Variants in CGAS observed in about 807,000 individuals in gnomAD.
CGAS encodes the protein cyclic GMP-AMP synthase.
Under a neutral mutation model 34.0 loss-of-function variants are expected in CGAS, and 31 were observed. The observed-to-expected ratio is 0.91, with a 90% CI of 0.69 to 1.23. The LOEUF is 1.23. Ranked by LOEUF, CGAS falls within the 50% of genes most tolerant of loss-of-function variation. The pLI, the probability that CGAS is intolerant of heterozygous loss-of-function variation, is 0.00. For missense variants in CGAS, 597 were observed against 657.6 expected (o/e 0.91, Z 1.01); for synonymous variants, 266 against 260.0 (o/e 1.02, Z -0.22).
Position 73,452,092 on chromosome 6 carries a change from G to A in CGAS, c.90C>T (p.Ala30=). ...PKASARNARG[A]PMDPTESPAA... is the part of the protein sequence containing the mutation. ...CCGGAGACTCGGTGGGATCCATCGG[G>A]GCGCCCCTGGCATTCCGTGCGGAAG... The change falls in exon 1 of 5, where the codon GCC becomes GCT. Residue 30 remains alanine, a synonymous_variant. Coordinates refer to ENST00000370315, the MANE Select transcript of CGAS (RefSeq NM_138441.3). 1 of 1,583,914 alleles carries A rather than the reference G, an allele frequency of 6.3e-7. No individual in the cohort carries two copies. The highest frequency in any genetic ancestry group is 1.1e-5 in the South Asian group (1 of 87,606).
chr6:73,426,006 C>T (rs1162799761), intron 4 of CGAS, among the ~76,000 whole-genome samples: 2 of 144,984 alleles, frequency 1.4e-5, no homozygotes, highest in African/African-American at 2.6e-5. Flanking sequence ...ACAAAAAAGC[C>T]GGGCGCGGTG....
chr6:73,444,082 C>T (rs908617360), intron 2 of CGAS, among the ~76,000 whole-genome samples: 3 of 152,064 alleles, frequency 2.0e-5, no homozygotes, highest in African/African-American at 4.8e-5. Flanking sequence ...CTCCACCTCT[C>T]GGGTTCAAGC....
At chr6:73,425,926 A>G (rs1770078500) in intron 4 of CGAS, among the ~76,000 whole-genome samples, 1 of 152,178 alleles carries the variant, frequency 6.6e-6, no homozygotes, top group East Asian at 1.9e-4. Context: ...GTGAGCCAAG[A>G]TCGCGTCATT....
intron 3 of CGAS, among the ~76,000 whole-genome samples, chr6:73,438,554 C>T (rs1286360520): frequency 1.3e-5 from 2 of 151,692 alleles, no homozygotes; most frequent in Non-Finnish European, 1.5e-5. Context: ...AAATTAGCCT[C>T]GCGTGGTGGC....
chr6:73,448,095 T>C (rs1770497926), intron 1 of CGAS, among the ~76,000 whole-genome samples: 1 of 152,084 alleles, frequency 6.6e-6, no homozygotes, highest in Non-Finnish European at 1.5e-5. Context: ...TAATATACCA[T>C]TACTTAAAAC....
chr6:73,446,240 G>A (rs1263945836), intron 1 of CGAS, among the ~76,000 whole-genome samples: 1 of 151,050 alleles, frequency 6.6e-6, no homozygotes, highest in Non-Finnish European at 1.5e-5. Flanking sequence ...TGAAGCAGGA[G>A]AATTGCTTGA....
rs767625640 is a variant in CGAS, at chr6:73,445,625, AT to A, written c.779del (p.Asn260IlefsTer3). The A allele has an allele frequency of 6.2e-7, 1 of 1,612,486 alleles. No homozygotes were observed. The highest frequency in any genetic ancestry group is 1.1e-5 in the South Asian group (1 of 90,652). ...CACCTTCTAAAAACTGACTCAGAGG[AT>A]TTTCTTTCGGATTTCTTTTAAATTT... Reference protein sequence around the residue: ...FVKFKRNPKENPLSQFLEGEI... With the variant: ...FVKFKRNPKEXPLSQFLEGEI... On this transcript the variant is annotated frameshift_variant, in exon 2 of 5. Transcript: ENST00000370315. LOFTEE classifies it high-confidence loss of function.
chr6:73,430,263 G>T (rs973264880), intron 3 of CGAS, among the ~76,000 whole-genome samples: 1 of 152,048 alleles, frequency 6.6e-6, no homozygotes, highest in African/African-American at 2.4e-5. Context: ...GAAAAACAGG[G>T]TTACACACTG....
At chr6:73,439,886 TCA>T in intron 3 of CGAS, 1 of 268,884 alleles carries the variant, frequency 3.7e-6, no homozygotes, top group Non-Finnish European at 7.1e-6. Flanking sequence ...TAGCTCGAAT[TCA>T]CACAACTAGT....
intron 1 of CGAS, among the ~76,000 whole-genome samples, chr6:73,448,437 T>C (rs112948355): frequency 0.015 from 2,320 of 152,056 alleles, 24 homozygotes; most frequent in Middle Eastern, 0.048. Flanking sequence ...CAAAAAAAAC[T>C]ACAATTAATT....
rs767939944 is a variant in CGAS at position 73,452,108 on chromosome 6, C to T, written c.74G>A (p.Arg25Gln). 1.3e-6 allele frequency: 2 copies of T among 1,597,490 alleles called. No homozygotes were observed. Among genetic ancestry groups the T allele is most frequent in the East Asian group, 2.3e-5 (1 of 44,066 alleles). ...AGATAPKASA[R>Q]NARGAPMDPT... is the part of the protein sequence containing the mutation. The stretch of plus-strand genomic sequence containing the variant: ...ATCCATCGGGGCGCCCCTGGCATTC[C>T]GTGCGGAAGCCTTGGGGGCAGTGGC... Residue 25 changes from arginine to glutamine, a missense_variant, in exon 1 of 5, where the codon CGG (arginine) becomes CAG (glutamine). This residue lies in a region of CGAS where 321 missense variants were observed against 314.3 expected (regional missense o/e 1.02). Coordinates refer to ENST00000370315, the MANE Select transcript of CGAS (RefSeq NM_138441.3).
At chr6:73,440,068 A>G in intron 3 of CGAS, 141 bp downstream of exon 3, 3 of 690,150 alleles carry the variant, frequency 4.3e-6, no homozygotes, top group Non-Finnish European at 7.2e-6. Context: ...GTCTGTCACC[A>G]GACTCCCATC....
At chr6:73,441,250 G>A (rs1042663657) in intron 2 of CGAS, among the ~76,000 whole-genome samples, 1 of 151,664 alleles carries the variant, frequency 6.6e-6, no homozygotes, top group Non-Finnish European at 1.5e-5. Context: ...CACTGTGCCT[G>A]GTTAAATTTT....
At chr6:73,439,196 T>G (rs961283231) in intron 3 of CGAS, among the ~76,000 whole-genome samples, 2 of 152,044 alleles carry the variant, frequency 1.3e-5, no homozygotes, top group East Asian at 3.9e-4. Context: ...TATAAATCTA[T>G]GGGAGAAAAT....
intron 4 of CGAS, 42 bp from the exon 5 acceptor site, chr6:73,425,620 C>G: frequency 2.2e-6 from 3 of 1,342,010 alleles, no homozygotes; most frequent in East Asian, 2.4e-5. Context: ...TACTTATTTA[C>G]ATTCAACAAA....
At position 73,452,089 on chromosome 6, in the gene CGAS, C is replaced by T; in HGVS notation, c.93G>A (p.Pro31=). 6.3e-7 allele frequency: 1 copy of T among 1,579,832 alleles called. No individual in the cohort carries two copies. Among genetic ancestry groups the T allele is most frequent in the East Asian group, 2.3e-5 (1 of 43,250 alleles). The change falls in exon 1 of 5, where the codon CCG becomes CCA. Residue 31 remains proline, a synonymous_variant. Transcript: ENST00000370315. ...CAGCCGGAGACTCGGTGGGATCCAT[C>T]GGGGCGCCCCTGGCATTCCGTGCGG... ...KASARNARGA[P]MDPTESPAAP...
chr6:73,424,620 A>G lies in CGAS; in HGVS notation c.*607T>C, dbSNP rs924750093. On this transcript the variant is annotated 3_prime_UTR_variant, in exon 5 of 5. Transcript: ENST00000370315. ...AACATGGTAATGTTTTTAGATTTCA[A>G]ATACTACTTTTGCTTCTTATTCCTT... 1.3e-5 allele frequency: 2 copies of G among 152,074 alleles called. No individual in the cohort carries two copies. The highest frequency in any genetic ancestry group is 2.4e-5 in the African/African-American group (1 of 41,408). The allele number at this position is 152,074 out of a possible 1,614,324, so 9.4% of individuals were successfully genotyped here. A position where few individuals can be genotyped will look rare whatever the true frequency, so the allele number is the denominator to read the frequency against.
intron 1 of CGAS, among the ~76,000 whole-genome samples, chr6:73,449,020 C>T (rs765755344): frequency 5.9e-5 from 9 of 151,454 alleles, no homozygotes; most frequent in South Asian, 2.1e-4. Flanking sequence ...ACCCGGGAGG[C>T]GGAGGTTACA....
In CGAS at chr6:73,428,033, C is replaced by T. The variant is rs557957465; in HGVS notation, c.1217+676G>A. Among the ~76,000 whole-genome samples, 27 of 152,142 alleles carry T rather than the reference C, an allele frequency of 1.8e-4. 1 individual carries two copies. In the South Asian group the frequency reaches 5.2e-3, roughly 29 times the overall value. ...TCACCATGTTGCTAGGCTGGGATTACAGGTGTGAGCCAACAGGCCCTCTAC... is the reference window on the plus strand; with the variant it reads ...TCACCATGTTGCTAGGCTGGGATTATAGGTGTGAGCCAACAGGCCCTCTAC... On this transcript the variant is annotated intron_variant, in intron 4 of 4. Transcript: ENST00000370315.
Sources: allele counts gnomAD v4.1 joint callset (sites outside exome capture counted in the v4.1 genomes callset), GRCh38; gene constraint gnomAD v4.1.1; regional missense constraint gnomAD v4.1.1; transcripts MANE v1.5; gene names NCBI Gene and HGNC (gene_info 2026-07-23, HGNC 2026-07-21).